The following EGFR variants were observed in gnomAD, a reference collection of about 807,000 sequenced individuals.
The protein encoded by EGFR is epidermal growth factor receptor, also known as avian erythroblastic leukemia viral (v-erb-b) oncogene homolog.
EGFR carries 58 observed loss-of-function variants against 143.0 expected under a neutral mutation model. The observed-to-expected ratio is 0.41, with a 90% CI of 0.33 to 0.50. The LOEUF (loss-of-function observed/expected upper bound fraction) is 0.50, where lower values mean the gene tolerates loss of function less well. EGFR is among the 20% of genes least tolerant of loss of function. The pLI is 0.39. For synonymous variants in EGFR, 613 were observed against 594.4 expected (o/e 1.03, Z -0.45); for missense variants, 1,307 against 1,579.0 (o/e 0.83, Z 2.92).
At chr7:55,125,893 T>A (rs991679491) in intron 1 of EGFR, among the ~76,000 whole-genome samples, 1 of 152,230 alleles carries the variant, frequency 6.6e-6, no homozygotes, top group Non-Finnish European at 1.5e-5. Context: ...GGCTTCTCAG[T>A]GCCTTTCAAA....
chr7:55,203,617 A>G (rs1168264355), intron 27 of EGFR, among the ~76,000 whole-genome samples: 1 of 143,994 alleles, frequency 6.9e-6, no homozygotes, highest in African/African-American at 2.6e-5. Flanking sequence ...ACATACAAAC[A>G]TATACACACT....
At chr7:55,161,906 T>C (rs1785725683) in intron 13 of EGFR, among the ~76,000 whole-genome samples, 1 of 152,248 alleles carries the variant, frequency 6.6e-6, no homozygotes, top group Non-Finnish European at 1.5e-5. Flanking sequence ...TAAATTTTTC[T>C]AAGCTACAAA....
At chr7:55,195,965 A>G (rs142476166) in intron 22 of EGFR, among the ~76,000 whole-genome samples, 68 of 152,276 alleles carry the variant, frequency 4.5e-4, no homozygotes, top group Non-Finnish European at 8.8e-4. Flanking sequence ...TATTGTAAAT[A>G]GTGCTGCAGT....
chr7:55,186,501 C>A (rs1787144759), intron 20 of EGFR, among the ~76,000 whole-genome samples: 1 of 152,222 alleles, frequency 6.6e-6, no homozygotes, highest in African/African-American at 2.4e-5. Flanking sequence ...ACGTTCACAT[C>A]ACACAGCTTT....
rs1785821299 is a variant in EGFR, at chr7:55,163,771, A to G, written c.1670A>G (p.Gln557Arg). ...TTTGTGGAGAACTCTGAGTGCATAC[A>G]GTGCCACCCAGAGTGCCTGCCTCAG... Reference protein sequence around the residue: ...REFVENSECIQCHPECLPQAM... With the variant: ...REFVENSECIRCHPECLPQAM... Residue 557 changes from glutamine to arginine, a missense_variant, in exon 14 of 28, where the codon CAG (glutamine) becomes CGG (arginine). Physicochemically the swap from Gln to Arg is conservative, Grantham distance 43 (BLOSUM62 1). This residue lies in a region of EGFR where 250 missense variants were observed against 295.1 expected (regional missense o/e 0.85). Coordinates refer to ENST00000275493, the MANE Select transcript of EGFR (RefSeq NM_005228.5). 1 of 1,614,226 alleles carries G rather than the reference A, an allele frequency of 6.2e-7. No individual in the cohort carries two copies. The highest frequency in any genetic ancestry group is 1.1e-5 in the South Asian group (1 of 91,084).
intron 16 of EGFR, 52 bp downstream of exon 16, chr7:55,171,265 T>C: frequency 1.9e-6 from 3 of 1,605,578 alleles, no homozygotes; most frequent in Non-Finnish European, 1.7e-6. Flanking sequence ...ATGACCACAC[T>C]GCTGTGGGTG....
intron 7 of EGFR, 39 bp downstream of exon 7, chr7:55,154,191 T>C (rs2128935290): frequency 6.2e-7 from 1 of 1,614,124 alleles, no homozygotes; most frequent in African/African-American, 1.3e-5. Flanking sequence ...TGGTCAGGCA[T>C]CCTTGTCCCG....
intron 12 of EGFR, among the ~76,000 whole-genome samples, chr7:55,161,244 AC>A (rs1487203550): frequency 1.3e-5 from 2 of 152,190 alleles, no homozygotes; most frequent in Non-Finnish European, 2.9e-5. Context: ...CCTGGCTCCC[AC>A]CAGGAGGAAG....
intron 1 of EGFR, among the ~76,000 whole-genome samples, chr7:55,059,521 G>A (rs573309129): frequency 5.9e-5 from 9 of 152,156 alleles, no homozygotes; most frequent in African/African-American, 9.6e-5. Flanking sequence ...GGTGGTGTAC[G>A]TTCTTCAGGT....
At chr7:55,060,220 A>C (rs753978648) in intron 1 of EGFR, among the ~76,000 whole-genome samples, 10 of 152,218 alleles carry the variant, frequency 6.6e-5, no homozygotes, top group African/African-American at 1.2e-4. Flanking sequence ...ATGTGAGATT[A>C]TATGGTTATA....
chr7:55,184,476 A>C (rs998113920), intron 20 of EGFR, among the ~76,000 whole-genome samples: 1 of 152,206 alleles, frequency 6.6e-6, no homozygotes, highest in African/African-American at 2.4e-5. Flanking sequence ...GACCCCAAAA[A>C]TTAGCCTTCT....
At chr7:55,200,545 G>T (rs2128970313) in intron 24 of EGFR, 132 bp downstream of exon 24, 1 of 932,918 alleles carries the variant, frequency 1.1e-6, no homozygotes, top group Non-Finnish European at 1.7e-6. Context: ...CAGCGCATTA[G>T]AGCAAGCCTC....
intron 1 of EGFR, among the ~76,000 whole-genome samples, chr7:55,126,013 C>T (rs559447463): frequency 2.0e-5 from 3 of 152,300 alleles, no homozygotes; most frequent in Admixed American, 6.5e-5. Context: ...CAGCCTTTCA[C>T]AGTCCCTCTC....
rs2128933679 is a variant in EGFR, at chr7:55,152,562, T to G, written c.645T>G (p.Cys215Trp). The G allele has an allele frequency of 1.2e-6, 2 of 1,614,014 alleles. No homozygotes were observed. Among genetic ancestry groups the G allele is most frequent in the South Asian group, 1.1e-5 (1 of 91,082 alleles). ...ENCQKLTKII[C>W]AQQCSGRCRG... ...CTTTTTCAGTGACCAAAATCATCTG[T>G]GCCCAGCAGTGCTCCGGGCGCTGCC... is the stretch of plus-strand genomic sequence containing the variant. Residue 215 changes from cysteine to tryptophan, a missense_variant, in exon 6 of 28, where the codon TGT becomes TGG. Transcript: ENST00000275493.
chr7:55,191,085 T>C (rs569537848), intron 20 of EGFR, among the ~76,000 whole-genome samples: 1 of 152,280 alleles, frequency 6.6e-6, no homozygotes, highest in Non-Finnish European at 1.5e-5. Flanking sequence ...TATTATTCCT[T>C]TCTTACTCTC....
At position 55,019,445 on chromosome 7, in the gene EGFR, C is replaced by G. The variant is rs17335731; in HGVS notation, c.88+80C>G. 5,283 of 942,624 alleles carry G rather than the reference C, an allele frequency of 5.6e-3. 35 individuals are homozygous for G. Among genetic ancestry groups the G allele is most frequent in the South Asian group, 0.025 (513 of 20,322 alleles). 58.4% of individuals were successfully genotyped at this position (942,624 alleles called of 1,614,324 possible). On this transcript the variant is annotated intron_variant, in intron 1 of 27. Coordinates refer to ENST00000275493, the MANE Select transcript of EGFR (RefSeq NM_005228.5). The stretch of plus-strand genomic sequence containing the variant: ...CGCAGCCCGCCCAACCGCGCACCGG[C>G]GCACCGGCTCGGCGCCCGCGCCCCC...
rs544326980 is a variant in EGFR at position 55,104,251 on chromosome 7, G to A, written c.89-38035G>A. 9.7e-4 allele frequency among the ~76,000 whole-genome samples: 147 copies of A among 152,326 alleles called. 1 individual carries two copies. Among genetic ancestry groups the A allele is most frequent in the African/African-American group, 3.2e-3 (134 of 41,572 alleles). ...TTGCAGGCAATTCAGTGAGGAGACCGAGGCATGGAGAGCAAGTGCCATGGA... is the reference window on the plus strand; with the variant it reads ...TTGCAGGCAATTCAGTGAGGAGACCAAGGCATGGAGAGCAAGTGCCATGGA... On this transcript the variant is annotated intron_variant, in intron 1 of 27. Transcript: ENST00000275493.
At chr7:55,105,014 C>T (rs1792048114) in intron 1 of EGFR, among the ~76,000 whole-genome samples, 1 of 152,142 alleles carries the variant, frequency 6.6e-6, no homozygotes, top group Non-Finnish European at 1.5e-5. Context: ...AAGCTTTTTG[C>T]CTGATATAGT....
intron 18 of EGFR, 65 bp downstream of exon 18, chr7:55,174,108 C>T (rs1786485154): frequency 1.9e-6 from 3 of 1,607,130 alleles, no homozygotes; most frequent in East Asian, 2.2e-5. Context: ...GTGGGGAGCC[C>T]AGAGTCCTTG....
Sources: allele counts gnomAD v4.1 joint callset (sites outside exome capture counted in the v4.1 genomes callset), GRCh38; gene constraint gnomAD v4.1.1; regional missense constraint gnomAD v4.1.1; transcripts MANE v1.5; gene names NCBI Gene and HGNC (gene_info 2026-07-23, HGNC 2026-07-21).